LOC128092253: variants seen among roughly 807,000 people sequenced by gnomAD.
At chr6:133,979,958 T>C in the LOC128092253 span, 1 of 779,014 alleles carries the variant, frequency 1.3e-6, no homozygotes, top group Non-Finnish European at 1.8e-6. Context: ...GGGACATGAT[T>C]TGATTCTAGT....
the LOC128092253 span, among the ~76,000 whole-genome samples, chr6:133,971,579 GTGT>G: frequency 0.15 from 22,281 of 150,970 alleles, 2,144 homozygotes; most frequent in African/African-American, 0.28. Context: ...CAATACATAG[GTGT>G]TGTTGTTGTT....
chr6:133,976,679 G>A, the LOC128092253 span, among the ~76,000 whole-genome samples: 307 of 152,244 alleles, frequency 2.0e-3, no homozygotes, highest in African/African-American at 7.1e-3. Flanking sequence ...TAGGCAATCA[G>A]ATGCTTTGTA....
chr6:133,978,975 G>A, the LOC128092253 span, among the ~76,000 whole-genome samples: 1 of 152,128 alleles, frequency 6.6e-6, no homozygotes, highest in South Asian at 2.1e-4. Context: ...ATTTTTTGAA[G>A]TGTGAAAATG....
the LOC128092253 span, among the ~76,000 whole-genome samples, chr6:133,963,874 C>CAAA: frequency 3.2e-5 from 3 of 94,436 alleles, no homozygotes; most frequent in Non-Finnish European, 4.6e-5. Flanking sequence ...ACTAAAAATA[C>CAAA]AAAAAAAAAA....
chr6:133,965,937 T>G, the LOC128092253 span, among the ~76,000 whole-genome samples: 3 of 152,336 alleles, frequency 2.0e-5, no homozygotes, highest in South Asian at 6.2e-4. Flanking sequence ...ATGGGTTCTG[T>G]TTATCTGCCT....
At chr6:133,978,986 C>G in the LOC128092253 span, among the ~76,000 whole-genome samples, 1 of 152,046 alleles carries the variant, frequency 6.6e-6, no homozygotes, top group Non-Finnish European at 1.5e-5. Flanking sequence ...TGTGAAAATG[C>G]AAAGAGAGAA....
the LOC128092253 span, among the ~76,000 whole-genome samples, chr6:133,958,785 A>C: frequency 6.6e-6 from 1 of 152,142 alleles, no homozygotes; most frequent in African/African-American, 2.4e-5. Flanking sequence ...AAAATATATT[A>C]TTAAAAGCAT....
At chr6:133,976,809 A>G in the LOC128092253 span, among the ~76,000 whole-genome samples, 2 of 152,170 alleles carry the variant, frequency 1.3e-5, no homozygotes, top group East Asian at 3.9e-4. Context: ...CAAGATGGTG[A>G]AACCCTGTCT....
the LOC128092253 span, among the ~76,000 whole-genome samples, chr6:133,970,864 A>G: frequency 6.6e-6 from 1 of 152,250 alleles, no homozygotes; most frequent in Non-Finnish European, 1.5e-5. Flanking sequence ...ATACATATTT[A>G]TGAGGTACAG....
chr6:133,976,629 A>AT, the LOC128092253 span, among the ~76,000 whole-genome samples: 1 of 152,290 alleles, frequency 6.6e-6, no homozygotes, highest in Non-Finnish European at 1.5e-5. Context: ...TAACCCATCG[A>AT]TAAATTATGT....
At chr6:133,971,250 C>T in the LOC128092253 span, among the ~76,000 whole-genome samples, 2 of 152,048 alleles carry the variant, frequency 1.3e-5, no homozygotes, top group African/African-American at 2.4e-5. Flanking sequence ...GGTTCACTAA[C>T]GTCACAAATG....
chr6:133,974,186 T>G, the LOC128092253 span, among the ~76,000 whole-genome samples: 4 of 152,224 alleles, frequency 2.6e-5, no homozygotes, highest in Non-Finnish European at 4.4e-5. Context: ...CATCTCTACA[T>G]CTGTCTAGCT....
At chr6:133,974,187 C>A in the LOC128092253 span, among the ~76,000 whole-genome samples, 4 of 152,150 alleles carry the variant, frequency 2.6e-5, no homozygotes, top group Non-Finnish European at 4.4e-5. Flanking sequence ...ATCTCTACAT[C>A]TGTCTAGCTT....
the LOC128092253 span, among the ~76,000 whole-genome samples, chr6:133,972,240 C>G: frequency 1.3e-5 from 2 of 152,194 alleles, no homozygotes; most frequent in African/African-American, 2.4e-5. Flanking sequence ...TCTATTTTCT[C>G]TTCTAACAAA....
the LOC128092253 span, among the ~76,000 whole-genome samples, chr6:133,972,631 C>T: frequency 1.3e-5 from 2 of 152,168 alleles, no homozygotes; most frequent in East Asian, 3.9e-4. Context: ...AGGCACTGGC[C>T]CATTGGCTGT....
chr6:133,966,272 G>T, the LOC128092253 span, among the ~76,000 whole-genome samples: 1 of 152,150 alleles, frequency 6.6e-6, no homozygotes, highest in Admixed American at 6.5e-5. Flanking sequence ...CTTCTGAGGA[G>T]CTTATTGTCT....
the LOC128092253 span, among the ~76,000 whole-genome samples, chr6:133,965,438 T>TA: frequency 6.6e-6 from 1 of 152,152 alleles, no homozygotes; most frequent in South Asian, 2.1e-4. Flanking sequence ...CCTAATGAAG[T>TA]AAAATCTAGC....
the LOC128092253 span, among the ~76,000 whole-genome samples, chr6:133,974,521 G>T: frequency 1.3e-5 from 2 of 152,150 alleles, no homozygotes; most frequent in Non-Finnish European, 2.9e-5. Flanking sequence ...TTTAGACGGG[G>T]TTTCACCGTG....
chr6:133,979,523 C>T, the LOC128092253 span, among the ~76,000 whole-genome samples: 1 of 152,118 alleles, frequency 6.6e-6, no homozygotes, highest in Non-Finnish European at 1.5e-5. Context: ...GTCTGGCAAG[C>T]TCCTGTCAAG....
Sources: allele counts gnomAD v4.1 joint callset (sites outside exome capture counted in the v4.1 genomes callset), GRCh38; gene constraint gnomAD v4.1.1; transcripts MANE v1.5.